Variants in CABLES1 observed in about 807,000 individuals in gnomAD.
The protein encoded by CABLES1 is CDK5 and ABL1 enzyme substrate 1.
Under a neutral mutation model 57.8 loss-of-function variants are expected in CABLES1, and 36 were observed. The observed-to-expected ratio is 0.62, with a 90% confidence interval of 0.48 to 0.82. CABLES1 has a LOEUF of 0.82. CABLES1 is among the 40% of genes least tolerant of loss of function. CABLES1 has a pLI of 0.00. For missense variants in CABLES1, 767 were observed against 836.6 expected, an observed-to-expected ratio of 0.92 and a Z score of 1.03; for synonymous variants, 374 against 363.0, an observed-to-expected ratio of 1.03 and a Z score of -0.35.
At position 23,193,552 on chromosome 18, in the gene CABLES1, C is replaced by G. The variant is rs78387676; in HGVS notation, c.918-896C>G. Among the ~76,000 whole-genome samples the G allele has an allele frequency of 3.0e-3, 450 of 152,340 alleles. 3 individuals carry two copies. Among genetic ancestry groups the G allele is most frequent in the Non-Finnish European group, 4.8e-3 (325 of 68,036 alleles). On this transcript the variant is annotated intron_variant, in intron 2 of 9. Coordinates refer to ENST00000256925, the MANE Select transcript of CABLES1 (RefSeq NM_001100619.3). ...AGGCACCCATGTCCCATGGCAGGAG[C>G]TGGCTCCTGTGGCCTAGGTCAGAAA...
chr18:23,206,838 G>A (rs1205892891), intron 3 of CABLES1, among the ~76,000 whole-genome samples: 2 of 140,246 alleles, frequency 1.4e-5, no homozygotes, highest in African/African-American at 2.7e-5. Context: ...TTTTTGCGAC[G>A]GGGTCTTGCT....
intron 1 of CABLES1, among the ~76,000 whole-genome samples, chr18:23,146,057 AT>A (rs1421204582): frequency 6.6e-6 from 1 of 152,270 alleles, no homozygotes; most frequent in African/African-American, 2.4e-5. Context: ...TACTAGTAAA[AT>A]ATTCAAAAAT....
At chr18:23,190,201 G>A (rs1376858621) in intron 2 of CABLES1, 1 of 152,244 alleles carries the variant, frequency 6.6e-6, no homozygotes, top group Non-Finnish European at 1.5e-5. Flanking sequence ...CATACTCAGC[G>A]AGCATGCAGG....
intron 1 of CABLES1, among the ~76,000 whole-genome samples, chr18:23,172,778 G>A (rs1227753335): frequency 2.6e-5 from 4 of 152,206 alleles, no homozygotes; most frequent in African/African-American, 7.2e-5. Context: ...GAACAGCCTG[G>A]TAATTAGAAC....
At chr18:23,142,390 C>A (rs1254606229) in intron 1 of CABLES1, among the ~76,000 whole-genome samples, 1 of 151,946 alleles carries the variant, frequency 6.6e-6, no homozygotes, top group African/African-American at 2.4e-5. Context: ...GGCAGTCAGT[C>A]CCCCAGATGA....
intron 4 of CABLES1, among the ~76,000 whole-genome samples, chr18:23,232,706 A>G (rs1035402596): frequency 6.6e-6 from 1 of 152,172 alleles, no homozygotes. Context: ...TGGCACTACC[A>G]TGGCCTCCCA....
intron 1 of CABLES1, among the ~76,000 whole-genome samples, chr18:23,186,834 G>A (rs1389537701): frequency 6.6e-6 from 1 of 152,166 alleles, no homozygotes; most frequent in Non-Finnish European, 1.5e-5. Flanking sequence ...ACCCTGGATG[G>A]GTAACATGGG....
chr18:23,181,197 G>A (rs899848126), intron 1 of CABLES1, among the ~76,000 whole-genome samples: 2 of 152,036 alleles, frequency 1.3e-5, no homozygotes, highest in Non-Finnish European at 2.9e-5. Context: ...TAAAGAAAGC[G>A]GCCCTAGGCC....
chr18:23,158,133 A>C (rs867117684), intron 1 of CABLES1, among the ~76,000 whole-genome samples: 1,584 of 151,588 alleles, frequency 0.01, 16 homozygotes, highest in Middle Eastern at 0.034. Flanking sequence ...AAAAAAAAAA[A>C]AAAAACAAAC....
At chr18:23,208,966 C>T (rs749440695) in intron 3 of CABLES1, among the ~76,000 whole-genome samples, 64 of 152,200 alleles carry the variant, frequency 4.2e-4, no homozygotes, top group Non-Finnish European at 8.2e-4. Context: ...CTTGTAAGGA[C>T]ACCAGCCATT....
chr18:23,229,029 T>C (rs1674438805), intron 4 of CABLES1, among the ~76,000 whole-genome samples: 1 of 152,192 alleles, frequency 6.6e-6, no homozygotes, highest in Admixed American at 6.5e-5. Flanking sequence ...AGCTGCAACA[T>C]TTTAACCTAA....
chr18:23,196,385 G>T lies in CABLES1; in HGVS notation c.1010+1845G>T, dbSNP rs536799284. 2.0e-5 allele frequency among the ~76,000 whole-genome samples: 3 copies of T among 152,328 alleles called. No homozygotes were observed. The East Asian group carries it at 5.8e-4, about 29-fold the overall frequency. On this transcript the variant is annotated intron_variant, in intron 3 of 9. Coordinates refer to ENST00000256925, the MANE Select transcript of CABLES1 (RefSeq NM_001100619.3). ...TCTTGTGCAAAGGGCAGATGAAAGG[G>T]CCGGCAGGAGGGGCTGGCCCTCCCA...
intron 1 of CABLES1, among the ~76,000 whole-genome samples, chr18:23,154,912 T>C (rs1239639839): frequency 6.6e-6 from 1 of 152,240 alleles, no homozygotes; most frequent in Non-Finnish European, 1.5e-5. Context: ...TACGCTGATA[T>C]TCATGTCATT....
chr18:23,213,864 C>T (rs898208232), intron 3 of CABLES1, 113 bp from the exon 4 acceptor site: 42 of 648,036 alleles, frequency 6.5e-5, no homozygotes, highest in Middle Eastern at 3.7e-4. Flanking sequence ...GTGGTGGGAG[C>T]GTGCAAATAC....
In CABLES1 at chr18:23,168,102, G is replaced by A. The variant is rs573092396; in HGVS notation, c.846-20736G>A. On this transcript the variant is annotated intron_variant, in intron 1 of 9. Transcript: ENST00000256925. Reference sequence around the variant, plus strand: ...AACTCCAACCCCAGGGCAGCTGATGGGGTGGACACTAGTTTGCCCTTTCAG... The same window carrying A: ...AACTCCAACCCCAGGGCAGCTGATGAGGTGGACACTAGTTTGCCCTTTCAG... Among the ~76,000 whole-genome samples, 6 of 152,312 alleles carry A rather than the reference G, an allele frequency of 3.9e-5. No homozygotes were observed. In the South Asian group the frequency reaches 1.2e-3, roughly 32 times the overall value.
intron 7 of CABLES1, among the ~76,000 whole-genome samples, chr18:23,249,553 C>T (rs1055494865): frequency 1.1e-4 from 16 of 152,190 alleles, no homozygotes; most frequent in African/African-American, 3.1e-4. Flanking sequence ...AGACTTGCTG[C>T]GTCTCCTGCT....
At position 23,260,448 on chromosome 18, in the gene CABLES1, A is replaced by C. The variant is rs577047078; in HGVS notation, c.*3081A>C. The stretch of plus-strand genomic sequence containing the variant: ...CCTGTTCCCTTCATTCCCCAACAGC[A>C]AATAAAACTGTTGAATGCTCTGGCT... On this transcript the variant is annotated 3_prime_UTR_variant, in exon 10 of 10. Transcript: ENST00000256925. The C allele has an allele frequency of 7.2e-5, 11 of 152,372 alleles. 1 individual carries two copies. The East Asian group carries it at 2.1e-3, about 30-fold the overall frequency. The allele number at this position is 152,372 out of a possible 1,614,324, so 9.4% of individuals were successfully genotyped here.
intron 1 of CABLES1, among the ~76,000 whole-genome samples, chr18:23,178,983 C>T (rs1036118005): frequency 6.6e-6 from 1 of 152,126 alleles, no homozygotes; most frequent in African/African-American, 2.4e-5. Flanking sequence ...AAAACATAGC[C>T]AGATTCAAAA....
intron 7 of CABLES1, 123 bp downstream of exon 7, chr18:23,237,368 G>A (rs529155042): frequency 3.7e-5 from 27 of 725,626 alleles, no homozygotes; most frequent in East Asian, 2.1e-4. Flanking sequence ...GGAGCTCCCC[G>A]GTGTGGGTGC....
Sources: allele counts gnomAD v4.1 joint callset (sites outside exome capture counted in the v4.1 genomes callset), GRCh38; gene constraint gnomAD v4.1.1; transcripts MANE v1.5; gene names NCBI Gene and HGNC (gene_info 2026-07-23, HGNC 2026-07-21).